GRAMD1B: variants seen among roughly 807,000 people sequenced by gnomAD.
The protein encoded by GRAMD1B is GRAM domain containing 1B, also known as protein Aster-B.
GRAMD1B carries 37 observed loss-of-function variants against 99.7 expected under a neutral mutation model. The ratio of observed to expected loss-of-function variants is 0.37; its 90% CI spans 0.29 to 0.49. The LOEUF (loss-of-function observed/expected upper bound fraction) is 0.49, where lower values mean the gene tolerates loss of function less well. Ranked by LOEUF, GRAMD1B falls within the 20% of genes least tolerant of loss-of-function variation. The pLI is 0.98. For missense variants in GRAMD1B, 888 were observed against 1,009.2 expected (o/e 0.88, Z 1.63); for synonymous variants, 427 against 387.6 (o/e 1.10, Z -1.19).
chr11:123,392,346 C>A (rs995254714), intron 1 of GRAMD1B, among the ~76,000 whole-genome samples: 2 of 151,450 alleles, frequency 1.3e-5, no homozygotes, highest in African/African-American at 4.9e-5. Context: ...TGCTCTTCTG[C>A]TTGTCCTTTA....
chr11:123,527,800 G>C (rs1311910898), intron 2 of GRAMD1B, among the ~76,000 whole-genome samples: 1 of 152,158 alleles, frequency 6.6e-6, no homozygotes, highest in African/African-American at 2.4e-5. Context: ...GGGCTGAGGG[G>C]TAGCTTGGCT....
chr11:123,541,537 GATTT>G (rs1565349213), intron 2 of GRAMD1B, among the ~76,000 whole-genome samples: 1 of 141,470 alleles, frequency 7.1e-6, no homozygotes, highest in Non-Finnish European at 1.5e-5. Context: ...TCTGTGAATT[GATTT>G]TTTTTTTTTT....
chr11:123,424,266 A>G (rs528653143), intron 1 of GRAMD1B, among the ~76,000 whole-genome samples: 5 of 151,528 alleles, frequency 3.3e-5, no homozygotes, highest in East Asian at 3.9e-4. Context: ...AAAAAAAAAA[A>G]AAAAGAAAAA....
intron 11 of GRAMD1B, chr11:123,608,219 G>A (rs1289643127): frequency 7.1e-6 from 3 of 421,492 alleles, no homozygotes; most frequent in African/African-American, 4.0e-5. Flanking sequence ...ATTAGTCTAC[G>A]TTCCCTCGAA....
chr11:123,428,331 C>T (rs758413135), upstream of GRAMD1B, among the ~76,000 whole-genome samples: 3 of 152,298 alleles, frequency 2.0e-5, no homozygotes, highest in Middle Eastern at 3.4e-3. Flanking sequence ...TCCCTGGAGC[C>T]GGAAGAGGTG....
At chr11:123,376,186 A>G (rs1328300854) in intron 1 of GRAMD1B, among the ~76,000 whole-genome samples, 1 of 152,202 alleles carries the variant, frequency 6.6e-6, no homozygotes, top group Non-Finnish European at 1.5e-5. Flanking sequence ...GCAGTGTTAG[A>G]AAAATGTTTA....
intron 2 of GRAMD1B, among the ~76,000 whole-genome samples, chr11:123,574,601 C>G (rs1948515246): frequency 6.6e-6 from 1 of 152,170 alleles, no homozygotes; most frequent in African/African-American, 2.4e-5. Flanking sequence ...AGAGAGGGGT[C>G]TGCAGCCTGA....
chr11:123,389,210 C>T (rs566639766), intron 1 of GRAMD1B, among the ~76,000 whole-genome samples: 2 of 152,108 alleles, frequency 1.3e-5, no homozygotes, highest in African/African-American at 4.8e-5. Flanking sequence ...TGGTGAAACC[C>T]CGTCTTTACT....
chr11:123,614,701 C>T, intron 16 of GRAMD1B, 44 bp from the exon 17 acceptor site: 2 of 1,223,856 alleles, frequency 1.6e-6, no homozygotes, highest in Admixed American at 1.7e-5. Flanking sequence ...AGTTGTTGGA[C>T]TTGTGGGTCA....
At chr11:123,406,078 G>A (rs1947845924) in intron 1 of GRAMD1B, among the ~76,000 whole-genome samples, 1 of 150,374 alleles carries the variant, frequency 6.7e-6, no homozygotes, top group East Asian at 2.0e-4. Context: ...GCAGTGATGC[G>A]ATCTCAGCTC....
At chr11:123,435,306 C>T (rs1189354025) in intron 1 of GRAMD1B, 6 of 640,644 alleles carry the variant, frequency 9.4e-6, no homozygotes, top group Admixed American at 2.4e-5. Flanking sequence ...TGAAATTCAG[C>T]GTGATGTGGT....
intron 17 of GRAMD1B, chr11:123,618,422 C>T (rs1720348): frequency 1.4e-6 from 2 of 1,438,140 alleles, no homozygotes; most frequent in South Asian, 1.1e-5. Flanking sequence ...CCTCTCTTCC[C>T]CCAGGTGCCC....
chr11:123,430,749 C>A lies in GRAMD1B; in HGVS notation c.-44C>A. The A allele has an allele frequency of 1.6e-6, 1 of 615,936 alleles. No homozygotes were observed. Among genetic ancestry groups the A allele is most frequent in the Non-Finnish European group, 2.9e-6 (1 of 347,432 alleles). 38.2% of individuals were successfully genotyped at this position (615,936 alleles called of 1,614,324 possible). A position where few individuals can be genotyped will look rare whatever the true frequency, so the allele number is the denominator to read the frequency against. On this transcript the variant is annotated 5_prime_UTR_variant, in exon 1 of 20. Transcript: ENST00000635736. ...CAGCCAGAGGGAGACGCGAACCAGG[C>A]CGCTGGCGGAGGGCTCAGGGGGAGC...
chr11:123,429,698 A>T (rs1948779845), upstream of GRAMD1B, among the ~76,000 whole-genome samples: 1 of 151,638 alleles, frequency 6.6e-6, no homozygotes, highest in Non-Finnish European at 1.5e-5. This position sits in a 1 kb window ranked among gnomAD's most constrained non-coding sequence, Gnocchi z 4.0. Context: ...TGTCTCTCAG[A>T]CCCTGTTGTC....
chr11:123,430,415 C>G lies in GRAMD1B; in HGVS notation c.-378C>G, dbSNP rs1681130764. 8.5e-6 allele frequency: 2 copies of G among 235,066 alleles called. No individual in the cohort carries two copies. The highest frequency in any genetic ancestry group is 6.0e-5 in the Admixed American group (1 of 16,786). The allele number at this position is 235,066 out of a possible 1,614,324, so 14.6% of individuals were successfully genotyped here. A position where few individuals can be genotyped will look rare whatever the true frequency, so the allele number is the denominator to read the frequency against. ...GTTTGCTGCACCGCCCCCTGGGGCC[C>G]CTGGCTGCCGAGTCCCGCTAAGGCA... On this transcript the variant is annotated 5_prime_UTR_variant, in exon 1 of 20. Coordinates refer to ENST00000635736, the MANE Select transcript of GRAMD1B (RefSeq NM_001387025.1).
intron 2 of GRAMD1B, among the ~76,000 whole-genome samples, chr11:123,548,325 T>TATATATATACAC (rs1555067740): frequency 8.6e-4 from 75 of 86,876 alleles, no homozygotes; most frequent in African/African-American, 3.8e-3. Context: ...TATATATATA[T>TATATATATACAC]ACACACACAC....
chr11:123,406,156 T>C (rs991817186), intron 1 of GRAMD1B, among the ~76,000 whole-genome samples: 4 of 150,888 alleles, frequency 2.7e-5, no homozygotes, highest in African/African-American at 7.3e-5. Flanking sequence ...TAGAGACGGG[T>C]TTTCACTATG....
chr11:123,525,495 C>G (rs1942621020), intron 2 of GRAMD1B: 1 of 152,570 alleles, frequency 6.6e-6, no homozygotes, highest in Non-Finnish European at 1.5e-5. Flanking sequence ...ATTTCTGCCC[C>G]CTCCTCTTCC....
chr11:123,467,164 G>A (rs1467018715), intron 1 of GRAMD1B, among the ~76,000 whole-genome samples: 1 of 152,100 alleles, frequency 6.6e-6, no homozygotes, highest in African/African-American at 2.4e-5. Context: ...ATTCACGAGA[G>A]CTAAGGATTG....
Sources: allele counts gnomAD v4.1 joint callset (sites outside exome capture counted in the v4.1 genomes callset), GRCh38; gene constraint gnomAD v4.1.1; non-coding constraint Gnocchi (gnomAD v3.1); transcripts MANE v1.5; gene names NCBI Gene and HGNC (gene_info 2026-07-23, HGNC 2026-07-21).